Variants in JARID2 observed in about 807,000 individuals in gnomAD.
JARID2 encodes the protein jumonji and AT-rich interaction domain containing 2.
JARID2 carries 21 observed loss-of-function variants against 125.6 expected under a neutral mutation model. The ratio of observed to expected loss-of-function variants is 0.17; its 90% CI spans 0.12 to 0.24. The LOEUF (loss-of-function observed/expected upper bound fraction) is 0.24. Ranked by LOEUF, JARID2 falls within the 10% of genes least tolerant of loss-of-function variation. The pLI is 1.00. For synonymous variants in JARID2, 736 were observed against 661.6 expected (o/e 1.11, Z -1.73); for missense variants, 1,303 against 1,639.6 (o/e 0.79, Z 3.55).
intron 1 of JARID2, among the ~76,000 whole-genome samples, chr6:15,275,012 C>A (rs972731278): frequency 6.6e-6 from 1 of 152,118 alleles, no homozygotes; most frequent in Non-Finnish European, 1.5e-5. Context: ...ACTTCAAGAG[C>A]CCTTCTGGTT....
Position 15,300,722 on chromosome 6 carries a change from T to TGTGTGTGTGA in JARID2, c.45+54139_45+54140insTGTGTGTGAG, listed in dbSNP as rs1246745065. 6.4e-3 allele frequency among the ~76,000 whole-genome samples: 716 copies of TGTGTGTGTGA among 111,106 alleles called. 1 individual carries two copies. The highest frequency in any genetic ancestry group is 9.6e-3 in the Non-Finnish European group (519 of 54,110). 72.9% of individuals were successfully genotyped at this position (111,106 alleles called of 152,430 possible). On this transcript the variant is annotated intron_variant, in intron 1 of 17. Coordinates refer to ENST00000341776, the MANE Select transcript of JARID2 (RefSeq NM_004973.4). The stretch of plus-strand genomic sequence containing the variant: ...GTGTGTGTGTGTGTGTGTGTGTGTG[T>TGTGTGTGTGA]GAGAGAGAGAGAGAGAGAGAGAGAG...
rs554145993 is a variant in JARID2 at position 15,496,491 on chromosome 6, G to C, written c.1266G>C (p.Val422=). The stretch of plus-strand genomic sequence containing the variant: ...ACCCAAAGTCATGCACTAAGGAGGT[G>C]GGGGGGCGGCAGCTGCGGGAGGGCC... ...RLNPKSCTKE[V]GGRQLREGLQ... is the part of the protein sequence containing the mutation. Residue 422 remains valine (V), a synonymous_variant, in exon 7 of 18, where the codon GTG becomes GTC. Coordinates refer to ENST00000341776, the MANE Select transcript of JARID2 (RefSeq NM_004973.4). The C allele has an allele frequency of 6.2e-6, 10 of 1,609,354 alleles. No individual in the cohort carries two copies. The highest frequency in any genetic ancestry group is 5.3e-5 in the African/African-American group (4 of 74,860).
rs142500858 is a variant in JARID2 at position 15,296,105 on chromosome 6, TC to T, written c.45+49522del. 7.1e-4 allele frequency among the ~76,000 whole-genome samples: 108 copies of T among 152,352 alleles called. 2 individuals carry two copies. The East Asian group carries it at 0.017, about 24-fold the overall frequency. On this transcript the variant is annotated intron_variant, in intron 1 of 17. Transcript: ENST00000341776. ...ACCTCCTTTATTTTGTGATCTTGCTTCTTCTCAACCCAGAAAAGATGTTTCC... is the reference window on the plus strand; with the variant it reads ...ACCTCCTTTATTTTGTGATCTTGCTTTTCTCAACCCAGAAAAGATGTTTCC...
chr6:15,361,254 T>A (rs187308815), intron 1 of JARID2, among the ~76,000 whole-genome samples: 1 of 152,292 alleles, frequency 6.6e-6, no homozygotes, highest in African/African-American at 2.4e-5. Context: ...CTGGTCCTCA[T>A]CTCTTGTACA....
chr6:15,414,764 GTT>G (rs577943971), intron 3 of JARID2, among the ~76,000 whole-genome samples: 1 of 147,048 alleles, frequency 6.8e-6, no homozygotes, highest in South Asian at 2.2e-4. Context: ...GGGTGAGATT[GTT>G]TTTTTTTTAA....
At chr6:15,392,478 C>G (rs376672747) in intron 2 of JARID2, among the ~76,000 whole-genome samples, 5 of 152,006 alleles carry the variant, frequency 3.3e-5, no homozygotes, top group Admixed American at 2.6e-4. Context: ...GGAGGGGGTT[C>G]TAAGCTTGTA....
chr6:15,276,294 A>G (rs1037626154), intron 1 of JARID2, among the ~76,000 whole-genome samples: 2 of 152,196 alleles, frequency 1.3e-5, no homozygotes, highest in Non-Finnish European at 2.9e-5. Context: ...AATCCATCAG[A>G]TTCTGCATGC....
chr6:15,445,096 A>T (rs1043090959), intron 3 of JARID2, among the ~76,000 whole-genome samples: 8 of 152,216 alleles, frequency 5.3e-5, no homozygotes, highest in Admixed American at 5.2e-4. Context: ...TTGAGTGCAC[A>T]GATAGCAATA....
intron 5 of JARID2, among the ~76,000 whole-genome samples, chr6:15,473,451 T>TC (rs1769175697): frequency 6.8e-6 from 1 of 146,768 alleles, no homozygotes; most frequent in South Asian, 2.2e-4. Flanking sequence ...TTCATCTTTG[T>TC]CATTCCCTGT....
chr6:15,268,287 T>G (rs144743243), intron 1 of JARID2, among the ~76,000 whole-genome samples: 1 of 152,332 alleles, frequency 6.6e-6, no homozygotes, highest in South Asian at 2.1e-4. Context: ...GTGGATATCT[T>G]GCTGCTGCTA....
At chr6:15,423,693 A>G (rs1450747494) in intron 3 of JARID2, among the ~76,000 whole-genome samples, 2 of 152,108 alleles carry the variant, frequency 1.3e-5, no homozygotes, top group Admixed American at 6.6e-5. Context: ...TGGGCTGAGC[A>G]CGTACGTTTT....
chr6:15,381,093 C>A (rs992111665), intron 2 of JARID2, among the ~76,000 whole-genome samples: 6 of 151,764 alleles, frequency 4.0e-5, no homozygotes, highest in African/African-American at 1.5e-4. Context: ...GTGGCTCACA[C>A]CTGTAATCCC....
At chr6:15,426,492 T>C (rs1371398090) in intron 3 of JARID2, among the ~76,000 whole-genome samples, 6 of 152,198 alleles carry the variant, frequency 3.9e-5, no homozygotes, top group African/African-American at 1.4e-4. Flanking sequence ...AGGTAGTTTG[T>C]AGAATTAAAT....
chr6:15,274,534 A>G (rs1760421489), intron 1 of JARID2, among the ~76,000 whole-genome samples: 2 of 152,244 alleles, frequency 1.3e-5, no homozygotes, highest in Non-Finnish European at 2.9e-5. Context: ...GCAGATCCAA[A>G]TTTATTTTCC....
chr6:15,274,358 C>A (rs1211066571), intron 1 of JARID2, among the ~76,000 whole-genome samples: 1 of 152,136 alleles, frequency 6.6e-6, no homozygotes, highest in Non-Finnish European at 1.5e-5. Flanking sequence ...CATATGAAGA[C>A]ACTGGTGCAT....
At chr6:15,432,432 G>A (rs1173200601) in intron 3 of JARID2, among the ~76,000 whole-genome samples, 5 of 144,898 alleles carry the variant, frequency 3.5e-5, no homozygotes, top group African/African-American at 1.3e-4. Context: ...TCATCCTCCA[G>A]CTACTCTCAC....
chr6:15,512,139 C>A, intron 13 of JARID2, 69 bp from the exon 14 acceptor site: 1 of 1,385,902 alleles, frequency 7.2e-7, no homozygotes, highest in South Asian at 1.3e-5. Flanking sequence ...GGTGCGCATA[C>A]GTCACCTGAA....
chr6:15,288,724 A>T (rs1171799399), intron 1 of JARID2, among the ~76,000 whole-genome samples: 1 of 152,228 alleles, frequency 6.6e-6, no homozygotes, highest in Non-Finnish European at 1.5e-5. Flanking sequence ...CTTTGCAAAA[A>T]TGAGGGAGTT....
chr6:15,356,415 G>A (rs897550576), intron 1 of JARID2, among the ~76,000 whole-genome samples: 3 of 151,694 alleles, frequency 2.0e-5, no homozygotes, highest in African/African-American at 7.3e-5. Context: ...AACGTCTGCT[G>A]TTTTTCTTTT....
Sources: gnomAD v4.1 joint callset for allele counts (sites outside exome capture counted in the v4.1 genomes callset) on GRCh38, gnomAD v4.1.1 for gene constraint, MANE v1.5 for transcripts, NCBI Gene and HGNC (gene_info 2026-07-23, HGNC 2026-07-21) for gene names.